CEP112: variants seen among roughly 807,000 people sequenced by gnomAD.
CEP112 encodes the protein centrosomal protein 112, also known as centrosomal protein of 112 kDa.
Under a neutral mutation model 153.0 loss-of-function variants are expected in CEP112, and 127 were observed. The observed-to-expected ratio is 0.83, with a 90% confidence interval of 0.72 to 0.96. The LOEUF is 0.96. CEP112 is among the 40% of genes least tolerant of loss of function. CEP112 has a pLI of 0.00. For synonymous variants in CEP112, 358 were observed against 374.4 expected (o/e 0.96, Z 0.51); for missense variants, 1,089 against 1,101.2 (o/e 0.99, Z 0.16).
chr17:65,642,537 T>C (rs1191966425), intron 24 of CEP112, among the ~76,000 whole-genome samples: 2 of 152,212 alleles, frequency 1.3e-5, no homozygotes, highest in Non-Finnish European at 2.9e-5. Flanking sequence ...GGATATGTTA[T>C]AATCCTGTGA....
At chr17:66,161,686 A>G (rs2071714130) in intron 4 of CEP112, among the ~76,000 whole-genome samples, 1 of 152,010 alleles carries the variant, frequency 6.6e-6, no homozygotes, top group South Asian at 2.1e-4. Flanking sequence ...CTGTCAGGGG[A>G]TTGGGGGCTA....
intron 20 of CEP112, among the ~76,000 whole-genome samples, chr17:65,881,289 G>A (rs1009711965): frequency 1.3e-5 from 2 of 152,142 alleles, no homozygotes; most frequent in East Asian, 1.9e-4. Flanking sequence ...CTGGAACATG[G>A]AGGAATGCTA....
Position 66,063,101 on chromosome 17 carries a change from CAT to C in CEP112, c.956-22_956-21del, listed in dbSNP as rs765354697. On this transcript the variant is annotated intron_variant, in intron 10 of 26. Coordinates refer to ENST00000535342, the MANE Select transcript of CEP112 (RefSeq NM_001199165.4). ...TCTGAACTGTCAAAAATTTTGAAAA[CAT>C]AGTTAAACCAATTCTAGGTACATAG... The C allele has an allele frequency of 1.6e-6, 2 of 1,265,396 alleles. No homozygotes were observed. Among genetic ancestry groups the C allele is most frequent in the African/African-American group, 1.5e-5 (1 of 65,710 alleles). The allele number at this position is 1,265,396 out of a possible 1,614,324, so 78.4% of individuals were successfully genotyped here. A position where few individuals can be genotyped will look rare whatever the true frequency, so the allele number is the denominator to read the frequency against.
chr17:66,070,872 T>G (rs932096007), intron 8 of CEP112, among the ~76,000 whole-genome samples: 3 of 152,154 alleles, frequency 2.0e-5, no homozygotes. Flanking sequence ...GTTGTGACTT[T>G]GAGCAAGTGA....
chr17:65,896,078 C>T (rs538321685), intron 20 of CEP112, among the ~76,000 whole-genome samples: 1 of 152,054 alleles, frequency 6.6e-6, no homozygotes, highest in African/African-American at 2.4e-5. Context: ...GTTACTAATG[C>T]AAATGGAATA....
chr17:65,683,908 G>A lies in CEP112; in HGVS notation c.2697+5221C>T, dbSNP rs183369125. Among the ~76,000 whole-genome samples the A allele has an allele frequency of 2.6e-5, 4 of 152,272 alleles. No individual in the cohort carries two copies. The East Asian group carries it at 7.7e-4, about 29-fold the overall frequency. On this transcript the variant is annotated intron_variant, in intron 24 of 26. Transcript: ENST00000535342. ...ATACAAAAATTAGCCAGGCATGGTG[G>A]TGGGCGTCTGTAATCCCAGCTACTC... is the stretch of plus-strand genomic sequence containing the variant.
At chr17:66,029,446 C>T (rs1392750532) in intron 13 of CEP112, among the ~76,000 whole-genome samples, 194 bp from the exon 14 acceptor site, 1 of 152,090 alleles carries the variant, frequency 6.6e-6, no homozygotes, top group African/African-American at 2.4e-5. Flanking sequence ...CCTGAAATTT[C>T]AGCACTTGAG....
chr17:65,689,255 A>G (rs767290870), intron 23 of CEP112, 37 bp from the exon 24 acceptor site: 10 of 1,455,514 alleles, frequency 6.9e-6, no homozygotes, highest in Non-Finnish European at 9.6e-6. Context: ...ATTAATAATT[A>G]GCACACTTGG....
At chr17:65,660,736 C>G (rs2143833052) in intron 24 of CEP112, among the ~76,000 whole-genome samples, 1 of 151,456 alleles carries the variant, frequency 6.6e-6, no homozygotes, top group Admixed American at 6.6e-5. Context: ...TTTGTAGAAA[C>G]AAGGTTTTTG....
chr17:65,662,034 T>C (rs1177929461), intron 24 of CEP112, among the ~76,000 whole-genome samples: 2 of 152,110 alleles, frequency 1.3e-5, no homozygotes, highest in Admixed American at 6.5e-5. Context: ...AGTGACGCAA[T>C]CATGGCTCAC....
Position 66,175,075 on chromosome 17 carries a change from T to A in CEP112, c.439A>T (p.Thr147Ser), listed in dbSNP as rs766962362. ...ACATCAGTTGGCGACTGTACTAAAGTGTTATCTTCTCCAGAAGAGAGTTTC... is the reference window on the plus strand; with the variant it reads ...ACATCAGTTGGCGACTGTACTAAAGAGTTATCTTCTCCAGAAGAGAGTTTC... ...SWKLSSGEDN[T>S]LVQSPTDVYS... Residue 147 changes from threonine to serine, a missense_variant, in exon 4 of 27, where the codon ACT becomes TCT. Thr to Ser is a moderately conservative substitution (Grantham distance 58, BLOSUM62 1). Transcript: ENST00000535342. 1.2e-6 allele frequency: 2 copies of A among 1,612,100 alleles called. No individual in the cohort carries two copies. The highest frequency in any genetic ancestry group is 1.7e-6 in the Non-Finnish European group (2 of 1,179,088).
intron 4 of CEP112, among the ~76,000 whole-genome samples, chr17:66,165,143 C>T (rs1257196784): frequency 1.3e-5 from 2 of 151,342 alleles, no homozygotes; most frequent in African/African-American, 4.9e-5. Context: ...ACATCCCCAC[C>T]GAGACAGAGA....
intron 21 of CEP112, among the ~76,000 whole-genome samples, chr17:65,844,354 T>G (rs919359959): frequency 6.6e-6 from 1 of 152,230 alleles, no homozygotes; most frequent in Non-Finnish European, 1.5e-5. Context: ...AGTTTATGTA[T>G]GATGATGCCA....
intron 17 of CEP112, among the ~76,000 whole-genome samples, chr17:65,982,041 T>C (rs2063246954): frequency 6.6e-6 from 1 of 152,080 alleles, no homozygotes; most frequent in African/African-American, 2.4e-5. Flanking sequence ...GTGTTTTTAT[T>C]TACTATATAT....
rs556162350 is a variant in CEP112 at position 65,692,307 on chromosome 17, C to A, written c.2608-3089G>T. On this transcript the variant is annotated intron_variant, in intron 23 of 26. Coordinates refer to ENST00000535342, the MANE Select transcript of CEP112 (RefSeq NM_001199165.4). The stretch of plus-strand genomic sequence containing the variant: ...GCAGTGGCACAATCTCGACTCATTG[C>A]GACCTCCACCTCCCGGGTTCAAGCG... 8.1e-5 allele frequency among the ~76,000 whole-genome samples: 12 copies of A among 148,150 alleles called. No individual in the cohort carries two copies. In the South Asian group the frequency reaches 2.6e-3, roughly 32 times the overall value.
chr17:65,898,872 G>A (rs557391683), intron 20 of CEP112, among the ~76,000 whole-genome samples: 4 of 152,080 alleles, frequency 2.6e-5, no homozygotes, highest in African/African-American at 9.6e-5. Context: ...CAATCTCTAC[G>A]GTAGTCACAC....
chr17:65,748,837 C>G (rs1469273556), intron 22 of CEP112, among the ~76,000 whole-genome samples: 1 of 152,166 alleles, frequency 6.6e-6, no homozygotes, highest in East Asian at 1.9e-4. Flanking sequence ...ACTAATCAGG[C>G]TTCTTCATAC....
chr17:66,168,423 G>A (rs373926439), intron 4 of CEP112, among the ~76,000 whole-genome samples: 15 of 140,370 alleles, frequency 1.1e-4, no homozygotes, highest in African/African-American at 3.6e-4. Flanking sequence ...GTGTGTGTGT[G>A]TATATATATG....
intron 23 of CEP112, among the ~76,000 whole-genome samples, chr17:65,690,504 A>G (rs1373602758): frequency 6.6e-6 from 1 of 152,062 alleles, no homozygotes; most frequent in Non-Finnish European, 1.5e-5. Context: ...ATAAGCAAAC[A>G]GTAAGTGTAT....
Sources: gnomAD v4.1 joint callset for allele counts (sites outside exome capture counted in the v4.1 genomes callset) on GRCh38, gnomAD v4.1.1 for gene constraint, MANE v1.5 for transcripts, NCBI Gene and HGNC (gene_info 2026-07-23, HGNC 2026-07-21) for gene names.